The following GSTCD variants were observed in gnomAD, a reference collection of about 807,000 sequenced individuals.
The protein encoded by GSTCD is glutathione S-transferase C-terminal domain containing, also known as glutathione S-transferase C-terminal domain-containing protein.
Under a neutral mutation model 68.3 loss-of-function variants are expected in GSTCD, and 44 were observed. The observed-to-expected ratio is 0.64, with a 90% CI of 0.51 to 0.83. GSTCD has a LOEUF of 0.83. Among genes scored for constraint, GSTCD ranks in the 40% least tolerant of loss-of-function variants. The probability of loss-of-function intolerance (pLI) is 0.00; values close to 1 mark genes in which losing one functional copy is unlikely to be tolerated. For missense variants in GSTCD, 739 were observed against 735.9 expected (o/e 1.00, Z -0.05); for synonymous variants, 273 against 255.2 (o/e 1.07, Z -0.67).
At chr4:105,775,944 A>C (rs909938472) in intron 5 of GSTCD, among the ~76,000 whole-genome samples, 2 of 152,182 alleles carry the variant, frequency 1.3e-5, no homozygotes, top group Non-Finnish European at 2.9e-5. Context: ...AAGTGCGCAC[A>C]CAGCTGCCCC....
chr4:105,841,987 AG>A, intron 10 of GSTCD, 77 bp from the exon 11 acceptor site: 1 of 988,324 alleles, frequency 1.0e-6, no homozygotes, highest in East Asian at 2.4e-5. Context: ...AAAATGAGGT[AG>A]TTTTTTTGGT....
chr4:105,784,205 A>G (rs577789564), intron 5 of GSTCD, among the ~76,000 whole-genome samples: 1 of 152,308 alleles, frequency 6.6e-6, no homozygotes, highest in South Asian at 2.1e-4. Flanking sequence ...TGTTGCTGTA[A>G]CAGAATATCA....
At chr4:105,805,592 G>T (rs373379469) in intron 5 of GSTCD, among the ~76,000 whole-genome samples, 1 of 151,902 alleles carries the variant, frequency 6.6e-6, no homozygotes, top group Non-Finnish European at 1.5e-5. Context: ...TATCAGGATC[G>T]CTCTTTTATG....
chr4:105,784,278 C>T (rs775413354), intron 5 of GSTCD, among the ~76,000 whole-genome samples: 5 of 152,096 alleles, frequency 3.3e-5, no homozygotes, highest in Admixed American at 3.3e-4. Context: ...GTGGAGAAGT[C>T]GAAGAGCATG....
At chr4:105,776,386 GA>G (rs1170876366) in intron 5 of GSTCD, among the ~76,000 whole-genome samples, 10 of 151,980 alleles carry the variant, frequency 6.6e-5, no homozygotes, top group African/African-American at 2.4e-4. Context: ...ACTGGGGTAT[GA>G]AAAAAAACTC....
chr4:105,804,550 A>G (rs1736257586), intron 5 of GSTCD, among the ~76,000 whole-genome samples: 1 of 152,172 alleles, frequency 6.6e-6, no homozygotes, highest in African/African-American at 2.4e-5. Context: ...GTAGAAATTC[A>G]TGGAGGACAT....
intron 3 of GSTCD, among the ~76,000 whole-genome samples, chr4:105,724,535 G>T (rs1032971266): frequency 1.3e-5 from 2 of 151,580 alleles, no homozygotes; most frequent in Non-Finnish European, 3.0e-5. Flanking sequence ...TTAAAAATAT[G>T]GTTCTGAAAG....
intron 4 of GSTCD, 100 bp from the exon 5 acceptor site, chr4:105,729,306 C>A: frequency 1.9e-6 from 1 of 530,968 alleles, no homozygotes; most frequent in Non-Finnish European, 3.2e-6. Context: ...ACTATTTATC[C>A]TCCTCCTTAC....
At chr4:105,807,040 T>C (rs1722541798) in intron 5 of GSTCD, 1 of 152,136 alleles carries the variant, frequency 6.6e-6, no homozygotes, top group African/African-American at 2.4e-5. Context: ...TCCTTAGATA[T>C]TCATGACTTC....
intron 10 of GSTCD, among the ~76,000 whole-genome samples, 190 bp downstream of exon 10, chr4:105,838,079 G>A (rs1297980641): frequency 6.6e-6 from 1 of 152,164 alleles, no homozygotes; most frequent in East Asian, 1.9e-4. Flanking sequence ...CAAGATTTGT[G>A]AAGGGTCTGA....
At chr4:105,818,672 G>A (rs1016822379) in intron 5 of GSTCD, among the ~76,000 whole-genome samples, 2 of 151,844 alleles carry the variant, frequency 1.3e-5, no homozygotes, top group South Asian at 2.1e-4. Context: ...CTGAGGAAAA[G>A]CATGCTCAGT....
chr4:105,797,996 C>T (rs1470446618), intron 5 of GSTCD, among the ~76,000 whole-genome samples: 2 of 151,930 alleles, frequency 1.3e-5, no homozygotes, highest in Non-Finnish European at 2.9e-5. Context: ...CACAATAGAA[C>T]TTCTAAAATT....
intron 5 of GSTCD, among the ~76,000 whole-genome samples, chr4:105,776,616 A>T (rs934982772): frequency 1.3e-5 from 2 of 152,092 alleles, no homozygotes; most frequent in African/African-American, 4.8e-5. Context: ...CTTGCACTTC[A>T]TCGGTGAGGC....
intron 11 of GSTCD, among the ~76,000 whole-genome samples, chr4:105,843,823 A>T (rs1300488213): frequency 5.0e-5 from 7 of 141,334 alleles, no homozygotes; most frequent in Non-Finnish European, 9.2e-5. Flanking sequence ...AGTATGGTGG[A>T]TGGATGGGTA....
rs144640222 is a variant in GSTCD at position 105,709,970 on chromosome 4, T to C, written c.-22+954T>C. On this transcript the variant is annotated intron_variant, in intron 1 of 11. Coordinates refer to ENST00000515279, the MANE Select transcript of GSTCD (RefSeq NM_001370181.1). ...ATAAACATTAAGCTATGCGGGTTTTTTTTTCTTTTTTTTTAACTGCCTGAT... is the reference window on the plus strand; with the variant it reads ...ATAAACATTAAGCTATGCGGGTTTTCTTTTCTTTTTTTTTAACTGCCTGAT... 8.4e-3 allele frequency among the ~76,000 whole-genome samples: 1,284 copies of C among 152,152 alleles called. 17 individuals are homozygous for C. Among genetic ancestry groups the C allele is most frequent in the African/African-American group, 0.029 (1,187 of 41,494 alleles).
intron 5 of GSTCD, among the ~76,000 whole-genome samples, chr4:105,780,138 G>A (rs976024068): frequency 1.3e-5 from 2 of 152,120 alleles, no homozygotes; most frequent in African/African-American, 4.8e-5. Flanking sequence ...ATGTGTTTCT[G>A]CCATTTCTCA....
chr4:105,767,677 A>G (rs1734673151), intron 5 of GSTCD, among the ~76,000 whole-genome samples: 1 of 152,236 alleles, frequency 6.6e-6, no homozygotes, highest in Non-Finnish European at 1.5e-5. Context: ...CATATTGAAA[A>G]AAACAAAAAC....
intron 10 of GSTCD, among the ~76,000 whole-genome samples, chr4:105,839,310 T>G (rs1432248071): frequency 6.6e-6 from 1 of 152,218 alleles, no homozygotes; most frequent in African/African-American, 2.4e-5. Context: ...CACCTTTCTT[T>G]CACAAGGCTA....
intron 5 of GSTCD, among the ~76,000 whole-genome samples, chr4:105,785,086 A>T (rs1735415338): frequency 6.6e-6 from 1 of 152,224 alleles, no homozygotes; most frequent in Non-Finnish European, 1.5e-5. Flanking sequence ...GTGTAATCAG[A>T]TCAAACAGAT....
Sources: allele counts gnomAD v4.1 joint callset (sites outside exome capture counted in the v4.1 genomes callset), GRCh38; gene constraint gnomAD v4.1.1; transcripts MANE v1.5; gene names NCBI Gene and HGNC (gene_info 2026-07-23, HGNC 2026-07-21).